The following DTD1 variants were observed in gnomAD, a reference collection of about 807,000 sequenced individuals.
DTD1 encodes the protein D-tyrosyl-tRNA deacylase 1 homolog.
Under a neutral mutation model 25.6 loss-of-function variants are expected in DTD1, and 13 were observed. The observed-to-expected ratio is 0.51, with a 90% confidence interval of 0.33 to 0.81. The LOEUF (loss-of-function observed/expected upper bound fraction) is 0.81. DTD1 is among the 30% of genes least tolerant of loss of function. The pLI is 0.02. For synonymous variants in DTD1, 110 were observed against 103.6 expected, an observed-to-expected ratio of 1.06 and a Z score of -0.37; for missense variants, 193 against 266.4, an observed-to-expected ratio of 0.72 and a Z score of 1.92.
At chr20:18,638,008 A>G (rs2060813864) in intron 4 of DTD1, among the ~76,000 whole-genome samples, 1 of 152,178 alleles carries the variant, frequency 6.6e-6, no homozygotes, top group East Asian at 1.9e-4. Flanking sequence ...CTCAGTGCCC[A>G]TCCAGGCGAG....
chr20:18,607,816 C>A (rs1263835293), intron 3 of DTD1, among the ~76,000 whole-genome samples: 1 of 151,854 alleles, frequency 6.6e-6, no homozygotes, highest in Non-Finnish European at 1.5e-5. Flanking sequence ...CAGGTTCAAG[C>A]GATTCTCCTG....
intron 4 of DTD1, among the ~76,000 whole-genome samples, chr20:18,698,095 T>C (rs909158484): frequency 1.3e-5 from 2 of 152,242 alleles, no homozygotes; most frequent in African/African-American, 4.8e-5. Context: ...CACCTTTGTA[T>C]GAGCAAATCA....
chr20:18,680,162 ATT>A (rs1322412226), intron 4 of DTD1, among the ~76,000 whole-genome samples: 22 of 152,166 alleles, frequency 1.4e-4, no homozygotes, highest in African/African-American at 5.1e-4. Context: ...GTGAGAACTC[ATT>A]TCTAACACCC....
At chr20:18,700,929 G>C (rs1170468177) in intron 4 of DTD1, among the ~76,000 whole-genome samples, 1 of 152,264 alleles carries the variant, frequency 6.6e-6, no homozygotes, top group East Asian at 1.9e-4. Context: ...GGTGGCATCA[G>C]AGTAGCGCCT....
chr20:18,694,220 G>A (rs1399778965), intron 4 of DTD1, among the ~76,000 whole-genome samples: 4 of 152,206 alleles, frequency 2.6e-5, no homozygotes, highest in African/African-American at 7.2e-5. Flanking sequence ...AGAAGTGAAC[G>A]AAATTCTTAC....
rs544349018 is a variant in DTD1 at position 18,755,524 on chromosome 20, G to T, written c.*20-7836G>T. Among the ~76,000 whole-genome samples the T allele has an allele frequency of 5.5e-3, 831 of 152,210 alleles. 6 individuals are homozygous for T. Among genetic ancestry groups the T allele is most frequent in the African/African-American group, 0.019 (789 of 41,516 alleles). Reference sequence around the variant, plus strand: ...TATGAGTGAGAACATGCGGTGTTTGGTTTTTTGTCCTTGGCGATAGTTTGC... The same window carrying T: ...TATGAGTGAGAACATGCGGTGTTTGTTTTTTTGTCCTTGGCGATAGTTTGC... On this transcript the variant is annotated intron_variant, in intron 5 of 5. Transcript: ENST00000377452.
chr20:18,641,632 C>G (rs74500841), intron 4 of DTD1, among the ~76,000 whole-genome samples: 77 of 152,244 alleles, frequency 5.1e-4, no homozygotes, highest in Non-Finnish European at 9.4e-4. Context: ...TGTTGAGCAT[C>G]TTTTCATGTG....
intron 4 of DTD1, among the ~76,000 whole-genome samples, chr20:18,669,201 T>C (rs1258274736): frequency 1.3e-5 from 2 of 152,166 alleles, no homozygotes; most frequent in Admixed American, 6.5e-5. Context: ...AAGGGGCGTC[T>C]CTGAGGCCAC....
chr20:18,628,441 C>G (rs1455535057), intron 4 of DTD1, among the ~76,000 whole-genome samples: 2 of 152,236 alleles, frequency 1.3e-5, no homozygotes, highest in East Asian at 3.9e-4. Flanking sequence ...CCTCGTCCTG[C>G]CTTTGAATTC....
At chr20:18,750,307 G>T (rs2061317380) in intron 5 of DTD1, among the ~76,000 whole-genome samples, 1 of 152,162 alleles carries the variant, frequency 6.6e-6, no homozygotes. Flanking sequence ...ATGAGAGCTG[G>T]ATTAAATGGT....
At chr20:18,645,451 T>C (rs560085662) in intron 4 of DTD1, among the ~76,000 whole-genome samples, 16 of 152,226 alleles carry the variant, frequency 1.1e-4, no homozygotes, top group Non-Finnish European at 2.2e-4. Flanking sequence ...AAAAATGAGA[T>C]AGACTTAGAT....
chr20:18,653,877 A>T (rs1280579031), intron 4 of DTD1, among the ~76,000 whole-genome samples: 1 of 152,228 alleles, frequency 6.6e-6, no homozygotes, highest in African/African-American at 2.4e-5. Context: ...AAATCCATGC[A>T]CATGACCCTC....
intron 5 of DTD1, among the ~76,000 whole-genome samples, chr20:18,757,803 A>T (rs1568692012): frequency 6.6e-6 from 1 of 152,118 alleles, no homozygotes; most frequent in Admixed American, 6.5e-5. Context: ...GTTAGGGAGG[A>T]TTCCCTCTTT....
At chr20:18,596,391 G>T (rs1483867752) in intron 3 of DTD1, 150 bp downstream of exon 3, 1 of 663,060 alleles carries the variant, frequency 1.5e-6, no homozygotes, top group East Asian at 2.7e-5. Flanking sequence ...TGCTGCTATT[G>T]CTGCTGTTGT....
At chr20:18,590,107 T>A (rs2060583170) in intron 1 of DTD1, among the ~76,000 whole-genome samples, 1 of 152,232 alleles carries the variant, frequency 6.6e-6, no homozygotes, top group Non-Finnish European at 1.5e-5. Flanking sequence ...GCATAGATTA[T>A]CAGGAGTCAC....
At chr20:18,631,914 G>C (rs2060789292) in intron 4 of DTD1, 1 of 983,380 alleles carries the variant, frequency 1.0e-6, no homozygotes, top group South Asian at 4.7e-5. Flanking sequence ...CCCTCTTCTT[G>C]TTTAGGTCAA....
In DTD1 at chr20:18,608,850, T is replaced by G. The variant is rs1430062150; in HGVS notation, c.370+12609T>G. Among the ~76,000 whole-genome samples, 13 of 152,340 alleles carry G rather than the reference T, an allele frequency of 8.5e-5. No homozygotes were observed. The East Asian group carries it at 2.5e-3, about 29-fold the overall frequency. ...ATGGTCCTGGTTTTCAGGAGAACTG[T>G]GATTCTGTGAAGACTTTAAGGGCGT... On this transcript the variant is annotated intron_variant, in intron 3 of 5. Transcript: ENST00000377452.
At chr20:18,618,712 C>T (rs6136438) in intron 3 of DTD1, among the ~76,000 whole-genome samples, 30,784 of 138,552 alleles carry the variant, frequency 0.22, 4,401 homozygotes, top group Non-Finnish European at 0.28. Flanking sequence ...CACACACACA[C>T]ATATAATTTT....
chr20:18,589,208 G>T (rs759603079), intron 1 of DTD1, among the ~76,000 whole-genome samples: 1 of 151,554 alleles, frequency 6.6e-6, no homozygotes, highest in Non-Finnish European at 1.5e-5. Flanking sequence ...AAAATTAGCC[G>T]GGAGCGGTGG....
Sources: allele counts gnomAD v4.1 joint callset (sites outside exome capture counted in the v4.1 genomes callset), GRCh38; gene constraint gnomAD v4.1.1; transcripts MANE v1.5; gene names NCBI Gene and HGNC (gene_info 2026-07-23, HGNC 2026-07-21).